The following TENM2 variants were observed in gnomAD, a reference collection of about 807,000 sequenced individuals.
The protein encoded by TENM2 is teneurin transmembrane protein 2, also known as teneurin-2.
In TENM2, 52 loss-of-function variants were observed where a neutral mutation model predicts 245.2. That is an observed-to-expected ratio of 0.21 (90% CI 0.17 to 0.27). The LOEUF (loss-of-function observed/expected upper bound fraction) is 0.27, where lower values mean the gene tolerates loss of function less well. Ranked by LOEUF, TENM2 falls within the 10% of genes least tolerant of loss-of-function variation. The probability of loss-of-function intolerance (pLI) is 1.00; values close to 1 mark genes in which losing one functional copy is unlikely to be tolerated. For missense variants in TENM2, 3,046 were observed against 3,666.8 expected, an observed-to-expected ratio of 0.83 and a Z score of 4.37; for synonymous variants, 1,363 against 1,438.9, an observed-to-expected ratio of 0.95 and a Z score of 1.19.
chr5:166,992,287 G>A, the TENM2 span, among the ~76,000 whole-genome samples: 1 of 152,116 alleles, frequency 6.6e-6, no homozygotes, highest in African/African-American at 2.4e-5. Flanking sequence ...ATAGTTGTCC[G>A]CAAAAGCCTC....
intron 2 of TENM2, among the ~76,000 whole-genome samples, chr5:167,654,596 T>A (rs552733533): frequency 6.6e-6 from 1 of 152,286 alleles, no homozygotes; most frequent in South Asian, 2.1e-4. Flanking sequence ...TTCACTTTTT[T>A]TTTTTTTTAC....
intron 3 of TENM2, among the ~76,000 whole-genome samples, chr5:167,920,514 AT>A (rs1446571401): frequency 3.9e-5 from 2 of 51,586 alleles, no homozygotes; most frequent in East Asian, 1.7e-3. Context: ...GCGAAACTCC[AT>A]CACACACACA....
intron 1 of TENM2, among the ~76,000 whole-genome samples, chr5:167,302,016 C>T (rs988714615): frequency 9.2e-5 from 14 of 151,992 alleles, no homozygotes; most frequent in South Asian, 2.1e-4. Flanking sequence ...GAAAGACTCA[C>T]GACGCTTGGG....
At chr5:168,250,365 A>G (rs748541686) in intron 27 of TENM2, among the ~76,000 whole-genome samples, 35 of 152,198 alleles carry the variant, frequency 2.3e-4, no homozygotes, top group Non-Finnish European at 4.7e-4. Context: ...GGCTGGGGCC[A>G]TCTCACCTGT....
chr5:167,042,579 A>G, the TENM2 span, among the ~76,000 whole-genome samples: 1 of 152,240 alleles, frequency 6.6e-6, no homozygotes. Flanking sequence ...ACTTGATTCA[A>G]AAATGTGTGG....
intron 8 of TENM2, among the ~76,000 whole-genome samples, chr5:168,096,786 G>T (rs1231351552): frequency 2.6e-5 from 4 of 152,202 alleles, no homozygotes; most frequent in Admixed American, 1.3e-4. Flanking sequence ...GAGAATAGTG[G>T]CTTATACTTT....
At chr5:167,813,670 G>A (rs1478731906) in intron 2 of TENM2, among the ~76,000 whole-genome samples, 1 of 152,206 alleles carries the variant, frequency 6.6e-6, no homozygotes, top group East Asian at 1.9e-4. Context: ...AGCAATCACA[G>A]TTCCAACCTC....
At chr5:167,081,691 A>G in the TENM2 span, among the ~76,000 whole-genome samples, 1 of 152,242 alleles carries the variant, frequency 6.6e-6, no homozygotes, top group East Asian at 1.9e-4. Context: ...CTACTGAGTT[A>G]GACATTCACT....
At chr5:168,012,658 A>AAC (rs1785315822) in intron 5 of TENM2, among the ~76,000 whole-genome samples, 1 of 149,000 alleles carries the variant, frequency 6.7e-6, no homozygotes, top group African/African-American at 2.5e-5. Context: ...AAAAAAAAAA[A>AAC]AACAAAAAAA....
intron 3 of TENM2, among the ~76,000 whole-genome samples, chr5:167,933,736 G>A (rs1778470279): frequency 1.3e-5 from 2 of 151,936 alleles, no homozygotes; most frequent in South Asian, 4.2e-4. Context: ...GGATGGCCTG[G>A]GCTGACAATG....
At chr5:167,486,195 A>T (rs1191689922) in intron 2 of TENM2, among the ~76,000 whole-genome samples, 1 of 152,228 alleles carries the variant, frequency 6.6e-6, no homozygotes, top group Non-Finnish European at 1.5e-5. Context: ...TACATAGAAC[A>T]TCTGCCATAC....
chr5:167,723,519 A>G (rs1387178209), intron 2 of TENM2, among the ~76,000 whole-genome samples: 6 of 152,122 alleles, frequency 3.9e-5, no homozygotes, highest in African/African-American at 1.2e-4. Flanking sequence ...TTCACTCGAG[A>G]TACAAGCCAA....
the TENM2 span, among the ~76,000 whole-genome samples, chr5:167,005,405 T>G: frequency 1.3e-5 from 2 of 152,262 alleles, no homozygotes; most frequent in South Asian, 4.1e-4. Context: ...CCGTTGACAT[T>G]TAGTAATAAT....
At chr5:167,869,835 G>A (rs910286907) in intron 2 of TENM2, among the ~76,000 whole-genome samples, 77 of 150,552 alleles carry the variant, frequency 5.1e-4, no homozygotes, top group South Asian at 4.2e-4. Context: ...GGAGAACCAC[G>A]TTAAAAAAAA....
At chr5:167,255,262 T>G in the TENM2 span, among the ~76,000 whole-genome samples, 1 of 152,102 alleles carries the variant, frequency 6.6e-6, no homozygotes, top group Non-Finnish European at 1.5e-5. Context: ...AATGGCAACT[T>G]TATTTCTTTG....
chr5:168,066,140 A>G (rs1472447136), intron 7 of TENM2, among the ~76,000 whole-genome samples: 3 of 152,230 alleles, frequency 2.0e-5, no homozygotes, highest in Non-Finnish European at 2.9e-5. Context: ...TTAGGTTAAC[A>G]AGAACTTTGC....
intron 2 of TENM2, among the ~76,000 whole-genome samples, chr5:167,517,753 G>C (rs1484653463): frequency 1.3e-5 from 2 of 152,120 alleles, no homozygotes; most frequent in Non-Finnish European, 2.9e-5. Context: ...TACCAGATTT[G>C]TGCTATCTTG....
At chr5:166,990,145 G>A in the TENM2 span, among the ~76,000 whole-genome samples, 1 of 152,028 alleles carries the variant, frequency 6.6e-6, no homozygotes, top group Non-Finnish European at 1.5e-5. Flanking sequence ...AAATAAAACT[G>A]CATTTCTTTT....
the TENM2 span, among the ~76,000 whole-genome samples, chr5:167,232,203 C>T: frequency 1.3e-5 from 2 of 152,126 alleles, no homozygotes; most frequent in African/African-American, 4.8e-5. Flanking sequence ...CACACAGAGT[C>T]CCCACTGGGG....
Sources: allele counts gnomAD v4.1 joint callset (sites outside exome capture counted in the v4.1 genomes callset), GRCh38; gene constraint gnomAD v4.1.1; transcripts MANE v1.5; gene names NCBI Gene and HGNC (gene_info 2026-07-23, HGNC 2026-07-21).